The following WDPCP variants were observed in gnomAD, a reference collection of about 807,000 sequenced individuals.
WDPCP encodes the protein WD repeat-containing and planar cell polarity effector protein fritz homolog.
In WDPCP, 71 loss-of-function variants were observed where a neutral mutation model predicts 93.1. That is an observed-to-expected ratio of 0.76 (90% CI 0.63 to 0.93). The LOEUF (loss-of-function observed/expected upper bound fraction) is 0.93, where lower values mean the gene tolerates loss of function less well. WDPCP is among the 40% of genes least tolerant of loss of function. The probability of loss-of-function intolerance (pLI) is 0.00; values close to 1 mark genes in which losing one functional copy is unlikely to be tolerated. For missense variants in WDPCP, 844 were observed against 887.4 expected (o/e 0.95, Z 0.62); for synonymous variants, 315 against 315.0 (o/e 1.00, Z 0.00).
chr2:63,747,471 A>T (rs1669815941), intron 2 of WDPCP, among the ~76,000 whole-genome samples: 1 of 151,912 alleles, frequency 6.6e-6, no homozygotes, highest in Admixed American at 6.6e-5. Context: ...TTATAGTGTG[A>T]GGTAGAGACT....
At chr2:63,560,628 TA>T (rs1156707688) in intron 1 of WDPCP, among the ~76,000 whole-genome samples, 2 of 152,208 alleles carry the variant, frequency 1.3e-5, no homozygotes, top group Non-Finnish European at 2.9e-5. Flanking sequence ...GTGGCACATA[TA>T]CACCATGGAA....
intron 8 of WDPCP, 150 bp from the exon 9 acceptor site, chr2:63,434,086 CA>C (rs1186537039): frequency 2.6e-6 from 2 of 762,476 alleles, no homozygotes; most frequent in Non-Finnish European, 4.2e-6. Flanking sequence ...CAGAATTTAC[CA>C]AATTCTTCTG....
chr2:63,514,613 A>G (rs1052646223), intron 1 of WDPCP, among the ~76,000 whole-genome samples: 1 of 152,176 alleles, frequency 6.6e-6, no homozygotes, highest in Non-Finnish European at 1.5e-5. Flanking sequence ...TGGGCTGCCC[A>G]CAGTTAGCAT....
rs1336889689 is a variant in WDPCP at position 63,378,399 on chromosome 2, G to A, written c.1735C>T (p.His579Tyr). ...QISKYARRFF[H>Y]HLLRYQRFEK... ...CATATCATTCACCTGAGCAAGTGAT[G>A]GAAGAATCTCCTTGCATATTTGCTG... Residue 579 changes from histidine to tyrosine, a missense_variant, in exon 12 of 18, where the codon CAT (histidine) becomes TAT (tyrosine). His to Tyr is a moderately conservative substitution (Grantham distance 83, BLOSUM62 2). Coordinates refer to ENST00000272321, the MANE Select transcript of WDPCP (RefSeq NM_015910.7). The A allele has an allele frequency of 5.6e-6, 9 of 1,612,982 alleles. No homozygotes were observed. Among genetic ancestry groups the A allele is most frequent in the Non-Finnish European group, 6.8e-6 (8 of 1,179,320 alleles).
chr2:63,713,795 G>T (rs569652608), intron 2 of WDPCP, among the ~76,000 whole-genome samples: 3 of 152,146 alleles, frequency 2.0e-5, no homozygotes, highest in Non-Finnish European at 4.4e-5. Flanking sequence ...AATTCTCATC[G>T]TTAGGTTTGA....
At position 63,688,154 on chromosome 2, in the gene WDPCP, C is replaced by T. The variant is rs1668837137; in HGVS notation, n.309-37316G>A. Among the ~76,000 whole-genome samples the T allele has an allele frequency of 1.3e-5, 2 of 152,072 alleles. 1 individual carries two copies. The highest frequency in any genetic ancestry group is 1.3e-4 in the Admixed American group (2 of 15,268). ...AAAAGTTAAAACGATTGGCCTGGCG[C>T]GGTGGCTCACGCCTGTAATCCTAGC... On this transcript the variant is annotated intron_variant and non_coding_transcript_variant, in intron 2 of 4. Transcript: ENST00000467687.
chr2:63,377,407 ACATGT>A (rs761338706), intron 12 of WDPCP, among the ~76,000 whole-genome samples: 4 of 151,596 alleles, frequency 2.6e-5, no homozygotes, highest in Admixed American at 1.3e-4. Flanking sequence ...CCATTGTATA[ACATGT>A]CATATATAAA....
chr2:63,200,038 G>T (rs1675778426), intron 14 of WDPCP, among the ~76,000 whole-genome samples: 1 of 152,180 alleles, frequency 6.6e-6, no homozygotes, highest in Non-Finnish European at 1.5e-5. Flanking sequence ...GCTAATGACT[G>T]CTCTGGTGGG....
intron 1 of WDPCP, among the ~76,000 whole-genome samples, chr2:63,576,049 T>C (rs1419195466): frequency 6.6e-6 from 1 of 152,174 alleles, no homozygotes; most frequent in African/African-American, 2.4e-5. Context: ...CAAAGTGTTT[T>C]TCCTACCCTC....
intron 6 of WDPCP, among the ~76,000 whole-genome samples, chr2:63,455,413 GATAT>G (rs59481179): frequency 0.49 from 69,625 of 140,714 alleles, 17,534 homozygotes; most frequent in African/African-American, 0.63. Flanking sequence ...TACTTGTAAA[GATAT>G]ATATATATAT....
intron 14 of WDPCP, among the ~76,000 whole-genome samples, chr2:63,246,397 A>G (rs1470349007): frequency 6.6e-6 from 1 of 152,132 alleles, no homozygotes. Flanking sequence ...CTCATCTTCC[A>G]TCTGAAATTC....
At chr2:63,403,878 G>T in intron 10 of WDPCP, 170 bp downstream of exon 10, 2 of 841,768 alleles carry the variant, frequency 2.4e-6, no homozygotes, top group Non-Finnish European at 3.6e-6. Flanking sequence ...GTGTTCCTTT[G>T]GCAGTTAGAA....
upstream of WDPCP, among the ~76,000 whole-genome samples, chr2:63,829,121 A>G (rs998616893): frequency 1.3e-5 from 2 of 152,172 alleles, no homozygotes; most frequent in African/African-American, 4.8e-5. Flanking sequence ...CTGTCTTACA[A>G]TCCAATTCTA....
At chr2:63,510,753 C>A (rs1039830886) in intron 1 of WDPCP, among the ~76,000 whole-genome samples, 3 of 152,194 alleles carry the variant, frequency 2.0e-5, no homozygotes, top group Non-Finnish European at 4.4e-5. Flanking sequence ...GCAGGCAGAT[C>A]ACAAGTTCAG....
chr2:63,362,277 T>TTATGTGTGTGTGTG (rs1690535620), intron 12 of WDPCP, among the ~76,000 whole-genome samples: 1 of 94,132 alleles, frequency 1.1e-5, no homozygotes, highest in African/African-American at 4.6e-5. Context: ...TTTTTTTTGG[T>TTATGTGTGTGTGTG]TGTGTGTGTG....
chr2:63,575,517 T>C (rs12993394), intron 1 of WDPCP, among the ~76,000 whole-genome samples: 4,420 of 8,442 alleles, frequency 0.52, 873 homozygotes, highest in Middle Eastern at 0.69. Flanking sequence ...ACTGTATATA[T>C]AGTATATACA....
At chr2:63,247,388 G>GTACT (rs754979813) in intron 14 of WDPCP, among the ~76,000 whole-genome samples, 3 of 152,074 alleles carry the variant, frequency 2.0e-5, no homozygotes, top group Non-Finnish European at 4.4e-5. Context: ...TTACTCTTAA[G>GTACT]TACTTATGAA....
intron 12 of WDPCP, among the ~76,000 whole-genome samples, chr2:63,347,837 T>C (rs1047864246): frequency 2.6e-5 from 4 of 151,382 alleles, no homozygotes; most frequent in East Asian, 2.0e-4. Context: ...CTTTGACTTA[T>C]ATGTTAGGGA....
intron 13 of WDPCP, among the ~76,000 whole-genome samples, chr2:63,308,299 CACAA>C (rs1685904286): frequency 6.6e-6 from 1 of 152,126 alleles, no homozygotes; most frequent in Non-Finnish European, 1.5e-5. Context: ...TTGGTGAGAG[CACAA>C]ATTAGTTCAA....
Sources: gnomAD v4.1 joint callset for allele counts (sites outside exome capture counted in the v4.1 genomes callset) on GRCh38, gnomAD v4.1.1 for gene constraint, MANE v1.5 for transcripts, NCBI Gene and HGNC (gene_info 2026-07-23, HGNC 2026-07-21) for gene names.